Variants in EDARADD observed in about 807,000 individuals in gnomAD.
EDARADD encodes the protein EDAR associated via death domain, also known as ectodysplasin-A receptor-associated adapter protein.
EDARADD carries 20 observed loss-of-function variants against 25.6 expected under a neutral mutation model. That is an observed-to-expected ratio of 0.78 (90% confidence interval 0.55 to 1.14). The LOEUF (loss-of-function observed/expected upper bound fraction) is 1.14. EDARADD is among the 50% of genes most tolerant of loss of function. The pLI is 0.00. For missense variants in EDARADD, 225 were observed against 270.1 expected (o/e 0.83, Z 1.17); for synonymous variants, 86 against 94.4 (o/e 0.91, Z 0.52).
intron 1 of EDARADD, among the ~76,000 whole-genome samples, chr1:236,406,724 A>C (rs993195207): frequency 2.0e-5 from 3 of 152,172 alleles, no homozygotes; most frequent in African/African-American, 7.2e-5. Context: ...CCCTCTGCCT[A>C]GAATGCTTTT....
rs554599079 is a variant in EDARADD at position 236,425,872 on chromosome 1, G to A, written c.161-1520G>A. On this transcript the variant is annotated intron_variant, in intron 3 of 5. Transcript: ENST00000334232. The stretch of plus-strand genomic sequence containing the variant: ...TGCGTGGTATTAGTGAAGTTGGTTA[G>A]CCGAGAGCAGTTAATGAAATCTGAC... 3.9e-5 allele frequency among the ~76,000 whole-genome samples: 6 copies of A among 152,326 alleles called. 1 individual carries two copies. The South Asian group carries it at 1.2e-3, about 32-fold the overall frequency.
chr1:236,458,960 A>C (rs1294605245), intron 4 of EDARADD, among the ~76,000 whole-genome samples: 2 of 152,104 alleles, frequency 1.3e-5, no homozygotes, highest in African/African-American at 4.8e-5. Context: ...TTCAAATCAA[A>C]GAAAAAATAA....
chr1:236,403,967 CT>C (rs1667662237), intron 1 of EDARADD, among the ~76,000 whole-genome samples: 1 of 152,196 alleles, frequency 6.6e-6, no homozygotes, highest in African/African-American at 2.4e-5. Flanking sequence ...TGATCTGAGC[CT>C]TGTGCAGAGT....
Position 236,433,580 on chromosome 1 carries a change from G to C in EDARADD, c.219+6130G>C, listed in dbSNP as rs1395584727. 6.6e-5 allele frequency among the ~76,000 whole-genome samples: 10 copies of C among 151,628 alleles called. No homozygotes were observed. The East Asian group carries it at 2.0e-3, about 30-fold the overall frequency. ...CCCACCTCAGTCTCCCAAAGTGTTG[G>C]GATTACAGGCGTGAGTCACCGCATC... On this transcript the variant is annotated intron_variant, in intron 4 of 5. Transcript: ENST00000334232.
intron 3 of EDARADD, 36 bp downstream of exon 3, chr1:236,414,335 T>G: frequency 6.5e-7 from 1 of 1,540,806 alleles, no homozygotes; most frequent in Non-Finnish European, 9.0e-7. Context: ...GAACATGTGA[T>G]TATTTTAATA....
chr1:236,402,340 G>GT (rs1667627899), intron 1 of EDARADD, among the ~76,000 whole-genome samples: 1 of 152,108 alleles, frequency 6.6e-6, no homozygotes, highest in Non-Finnish European at 1.5e-5. Context: ...GGAAGCCAAG[G>GT]TGGGTTCAGG....
chr1:236,391,939 T>C (rs555914620), upstream of EDARADD, among the ~76,000 whole-genome samples: 5 of 152,324 alleles, frequency 3.3e-5, no homozygotes, highest in Non-Finnish European at 7.3e-5. Flanking sequence ...CAAGCCACTT[T>C]GCTTCCATAC....
intron 2 of EDARADD, among the ~76,000 whole-genome samples, chr1:236,411,100 A>G (rs1414846535): frequency 6.6e-6 from 1 of 152,050 alleles, no homozygotes; most frequent in Non-Finnish European, 1.5e-5. Flanking sequence ...TCCTGATACC[A>G]GGTTTTCTTT....
chr1:236,475,082 G>A (rs533734279), intron 5 of EDARADD, among the ~76,000 whole-genome samples: 9 of 152,134 alleles, frequency 5.9e-5, no homozygotes, highest in Non-Finnish European at 8.8e-5. Flanking sequence ...GCAGTGAGCC[G>A]AGATCGCCCC....
intron 1 of EDARADD, among the ~76,000 whole-genome samples, chr1:236,405,859 TTCCTTCC>T (rs1228971688): frequency 3.7e-5 from 2 of 54,672 alleles, no homozygotes; most frequent in African/African-American, 1.5e-4. Flanking sequence ...CCTTCCTTCC[TTCCTTCC>T]TTCCTTCCTT....
chr1:236,351,978 TG>T (rs969332856), intron 3 of EDARADD, among the ~76,000 whole-genome samples: 2 of 151,996 alleles, frequency 1.3e-5, no homozygotes, highest in Non-Finnish European at 2.9e-5. Context: ...GTCATGGCGC[TG>T]GGGGGTGTGT....
At position 236,394,562 on chromosome 1, in the gene EDARADD, G is replaced by A. The variant is rs188514199; in HGVS notation, c.61+57G>A. Reference sequence around the variant, plus strand: ...CTCAGAGCTGAGTTTTTAGCCAGAGGTTGCTTATTTACGATAATTCTTGGA... The same window carrying A: ...CTCAGAGCTGAGTTTTTAGCCAGAGATTGCTTATTTACGATAATTCTTGGA... On this transcript the variant is annotated intron_variant, in intron 1 of 5. Coordinates refer to ENST00000334232, the MANE Select transcript of EDARADD (RefSeq NM_145861.4). 2.6e-4 allele frequency: 407 copies of A among 1,538,900 alleles called. No homozygotes were observed. The African/African-American group carries it at 4.7e-3, about 18-fold the overall frequency.
intron 3 of EDARADD, among the ~76,000 whole-genome samples, chr1:236,420,007 G>A (rs1367080931): frequency 1.3e-5 from 2 of 152,038 alleles, no homozygotes; most frequent in African/African-American, 4.8e-5. Context: ...GCGATACCCC[G>A]TCTCTACTAA....
upstream of EDARADD, among the ~76,000 whole-genome samples, chr1:236,390,624 A>G (rs1667410892): frequency 6.6e-6 from 1 of 152,102 alleles, no homozygotes; most frequent in Non-Finnish European, 1.5e-5. Context: ...AAAAATTCTG[A>G]TATGTTTCTC....
chr1:236,388,222 C>T (rs961560507), intron 3 of EDARADD, among the ~76,000 whole-genome samples: 3 of 152,156 alleles, frequency 2.0e-5, no homozygotes, highest in African/African-American at 4.8e-5. Flanking sequence ...CAAACACATA[C>T]ATGAGTCTGT....
In EDARADD at chr1:236,410,873, C is replaced by A. The variant is rs1657448371; in HGVS notation, c.120+1599C>A. On this transcript the variant is annotated intron_variant, in intron 2 of 5. Transcript: ENST00000334232. ...ATTGTAGACAGCGTAGGGGGTCAAG[C>A]TTTGATACCCACTGGAAATTCCTAT... Among the ~76,000 whole-genome samples the A allele has an allele frequency of 2.0e-5, 3 of 152,188 alleles. No homozygotes were observed. The South Asian group carries it at 6.2e-4, about 32-fold the overall frequency.
upstream of EDARADD, among the ~76,000 whole-genome samples, chr1:236,391,642 G>A (rs1667426454): frequency 6.6e-6 from 1 of 152,178 alleles, no homozygotes; most frequent in Non-Finnish European, 1.5e-5. Context: ...TAAGACACAT[G>A]TGGTTCAATA....
At chr1:236,442,386 A>G (rs1212677810) in intron 4 of EDARADD, among the ~76,000 whole-genome samples, 1 of 152,208 alleles carries the variant, frequency 6.6e-6, no homozygotes, top group Non-Finnish European at 1.5e-5. Flanking sequence ...TTGGCCTCCC[A>G]AAGTGCTGGG....
At chr1:236,431,258 G>C (rs1042195511) in intron 4 of EDARADD, among the ~76,000 whole-genome samples, 9 of 152,078 alleles carry the variant, frequency 5.9e-5, no homozygotes, top group African/African-American at 1.9e-4. Flanking sequence ...CCTTTTTCGA[G>C]TGATGCCGAG....
Sources: gnomAD v4.1 joint callset for allele counts (sites outside exome capture counted in the v4.1 genomes callset) on GRCh38, gnomAD v4.1.1 for gene constraint, MANE v1.5 for transcripts, NCBI Gene and HGNC (gene_info 2026-07-23, HGNC 2026-07-21) for gene names.